Variants in DOCK8 observed in about 807,000 individuals in gnomAD.
The protein encoded by DOCK8 is dedicator of cytokinesis 8, also known as dedicator of cytokinesis protein 8.
Under a neutral mutation model 245.6 loss-of-function variants are expected in DOCK8, and 141 were observed. That is an observed-to-expected ratio of 0.57 (90% CI 0.50 to 0.66). The LOEUF is 0.66. Ranked by LOEUF, DOCK8 falls within the 30% of genes least tolerant of loss-of-function variation. DOCK8 has a pLI of 0.00. For synonymous variants in DOCK8, 1,168 were observed against 970.2 expected (o/e 1.20, Z -3.79); for missense variants, 2,965 against 2,603.4 (o/e 1.14, Z -3.02).
chr9:213,076 TA>T (rs2046645603), upstream of DOCK8: 1 of 152,240 alleles, frequency 6.6e-6, no homozygotes, highest in South Asian at 2.1e-4. Flanking sequence ...TCCAATGTAG[TA>T]AATAAGGACA....
chr9:399,593 C>T (rs1378952035), intron 26 of DOCK8, among the ~76,000 whole-genome samples: 6 of 152,066 alleles, frequency 3.9e-5, no homozygotes. Flanking sequence ...TTGACAAGTC[C>T]TTGCGCTCCC....
At chr9:431,858 A>G (rs537685015) in intron 36 of DOCK8, among the ~76,000 whole-genome samples, 1 of 152,228 alleles carries the variant, frequency 6.6e-6, no homozygotes, top group South Asian at 2.1e-4. Context: ...AAAAGGATAT[A>G]CTGTATTCTT....
chr9:401,246 T>C (rs899096242), intron 26 of DOCK8, among the ~76,000 whole-genome samples: 5 of 152,108 alleles, frequency 3.3e-5, no homozygotes, highest in Admixed American at 6.6e-5. Context: ...ACGAAAAGGA[T>C]AGGACCATAA....
chr9:396,613 T>C (rs1039431568), intron 24 of DOCK8, among the ~76,000 whole-genome samples, 172 bp from the exon 25 acceptor site: 2 of 152,140 alleles, frequency 1.3e-5, no homozygotes, highest in Non-Finnish European at 2.9e-5. Context: ...ATGGTAACCA[T>C]TGGTGTGTCT....
At chr9:351,666 G>A (rs181475771) in intron 14 of DOCK8, among the ~76,000 whole-genome samples, 385 of 152,330 alleles carry the variant, frequency 2.5e-3, no homozygotes, top group African/African-American at 8.4e-3. Flanking sequence ...TCCACTGAAT[G>A]GGACTGAGAA....
At chr9:383,649 G>A (rs573359384) in intron 22 of DOCK8, among the ~76,000 whole-genome samples, 13 of 135,028 alleles carry the variant, frequency 9.6e-5, no homozygotes, top group Admixed American at 2.6e-4. Flanking sequence ...GCAGTGAGCC[G>A]AGATTGCACC....
intron 2 of DOCK8, among the ~76,000 whole-genome samples, chr9:281,161 C>T (rs2048565715): frequency 6.6e-6 from 1 of 151,334 alleles, no homozygotes; most frequent in Admixed American, 6.6e-5. Context: ...GGCTGAGGCA[C>T]AAGAATTTCT....
chr9:289,678 A>G, intron 4 of DOCK8, 97 bp downstream of exon 4: 1 of 1,132,036 alleles, frequency 8.8e-7, no homozygotes, highest in Non-Finnish European at 1.3e-6. Flanking sequence ...CTAGGTTTAC[A>G]GAAAAATTGC....
chr9:301,375 C>A (rs1372213586), intron 4 of DOCK8, among the ~76,000 whole-genome samples: 1 of 152,206 alleles, frequency 6.6e-6, no homozygotes, highest in African/African-American at 2.4e-5. Context: ...ATTCAACTAT[C>A]CACAGCCAAC....
At chr9:281,680 G>T (rs1201942856) in intron 2 of DOCK8, among the ~76,000 whole-genome samples, 1 of 150,524 alleles carries the variant, frequency 6.6e-6, no homozygotes, top group African/African-American at 2.5e-5. Flanking sequence ...CTGCCTCATA[G>T]TAAAGCCTAC....
intron 1 of DOCK8, 93 bp downstream of exon 1, chr9:215,122 T>G: frequency 6.8e-7 from 1 of 1,480,248 alleles, no homozygotes; most frequent in Non-Finnish European, 8.9e-7. Flanking sequence ...GCCGGACGAG[T>G]CCATTCGCGT....
chr9:348,868 C>G (rs529034118), intron 14 of DOCK8, among the ~76,000 whole-genome samples: 1 of 152,128 alleles, frequency 6.6e-6, no homozygotes, highest in Non-Finnish European at 1.5e-5. Flanking sequence ...CAGTTCTGAC[C>G]TCCTCATGTG....
At position 389,646 on chromosome 9, in the gene DOCK8, A is replaced by G. The variant is rs186670891; in HGVS notation, c.2875-825A>G. Among the ~76,000 whole-genome samples the G allele has an allele frequency of 7.8e-3, 1,191 of 152,258 alleles. 12 individuals are homozygous for G. Among genetic ancestry groups the G allele is most frequent in the Non-Finnish European group, 0.013 (851 of 68,012 alleles). On this transcript the variant is annotated intron_variant, in intron 23 of 47. Coordinates refer to ENST00000432829, the MANE Select transcript of DOCK8 (RefSeq NM_203447.4). Reference sequence around the variant, plus strand: ...ACCCAGGAACTTGTTAGAAATGCAAATTCCCAGGCTATTGAATCAGAATAT... The same window carrying G: ...ACCCAGGAACTTGTTAGAAATGCAAGTTCCCAGGCTATTGAATCAGAATAT...
At chr9:241,108 A>G (rs1174928524) in intron 1 of DOCK8, among the ~76,000 whole-genome samples, 6 of 152,178 alleles carry the variant, frequency 3.9e-5, no homozygotes, top group Non-Finnish European at 1.5e-5. Flanking sequence ...TTAAATTGTC[A>G]CATAATAATT....
At chr9:308,774 T>C (rs1247255919) in intron 5 of DOCK8, among the ~76,000 whole-genome samples, 4 of 152,062 alleles carry the variant, frequency 2.6e-5, no homozygotes, top group African/African-American at 4.8e-5. Flanking sequence ...TCTCCTCCCT[T>C]AGCCTCCCGA....
chr9:399,528 T>A (rs963716796), intron 26 of DOCK8, among the ~76,000 whole-genome samples: 2 of 152,144 alleles, frequency 1.3e-5, no homozygotes, highest in Admixed American at 1.3e-4. Context: ...ATGATCTGAA[T>A]CTTCAATTTG....
rs528408275 is a variant in DOCK8, at chr9:460,615, A to G, written c.6069-2902A>G. On this transcript the variant is annotated intron_variant, in intron 46 of 47. Transcript: ENST00000432829. ...CTTAGCTATCCTATAATTTGCTTCA[A>G]TTAATGACAAACATAAAAGATAGGT... 9.8e-5 allele frequency: 15 copies of G among 152,384 alleles called. No homozygotes were observed. In the South Asian group the frequency reaches 2.9e-3, roughly 29 times the overall value. 9.4% of individuals were successfully genotyped at this position (152,384 alleles called of 1,614,324 possible).
chr9:364,766 T>TA lies in DOCK8; in HGVS notation c.1680-3251dup, dbSNP rs148686425. ...TGGGTGGTTGCTATTCTTTTCTTTA[T>TA]ACTTTTATGTACTTTTATGTTATGC... On this transcript the variant is annotated intron_variant, in intron 14 of 47. Coordinates refer to ENST00000432829, the MANE Select transcript of DOCK8 (RefSeq NM_203447.4). Among the ~76,000 whole-genome samples the TA allele has an allele frequency of 3.5e-3, 529 of 152,304 alleles. 10 individuals are homozygous for TA. The highest frequency in any genetic ancestry group is 0.01 in the East Asian group (53 of 5,190).
chr9:324,499 A>C (rs1213338770), intron 7 of DOCK8, among the ~76,000 whole-genome samples: 1 of 152,054 alleles, frequency 6.6e-6, no homozygotes, highest in African/African-American at 2.4e-5. Flanking sequence ...AAGATACTAA[A>C]GGCAAATAAT....
Sources: gnomAD v4.1 joint callset for allele counts (sites outside exome capture counted in the v4.1 genomes callset) on GRCh38, gnomAD v4.1.1 for gene constraint, MANE v1.5 for transcripts, NCBI Gene and HGNC (gene_info 2026-07-23, HGNC 2026-07-21) for gene names.